Variants in WNK1 observed in about 807,000 individuals in gnomAD.
WNK1 encodes WNK lysine deficient protein kinase 1.
In WNK1, 38 loss-of-function variants were observed where a neutral mutation model predicts 222.8. That is an observed-to-expected ratio of 0.17 (90% confidence interval 0.13 to 0.22). The LOEUF is 0.22. WNK1 is among the 10% of genes least tolerant of loss of function. The pLI is 1.00. For missense variants in WNK1, 2,348 were observed against 2,918.4 expected (o/e 0.80, Z 4.50); for synonymous variants, 1,090 against 1,092.9 (o/e 1.00, Z 0.05).
rs369737438 is a variant in WNK1, at chr12:753,915, C to A, written c.350C>A (p.Pro117Gln). 6.2e-7 allele frequency: 1 copy of A among 1,609,184 alleles called. No individual in the cohort carries two copies. The highest frequency in any genetic ancestry group is 1.3e-5 in the African/African-American group (1 of 74,880). The change falls in exon 1 of 28, where the codon CCG (proline) becomes CAG (glutamine). Residue 117 changes from proline to glutamine, a missense_variant. Pro to Gln is a moderately conservative substitution (Grantham distance 76). Around this residue, in one of 13 missense-constraint regions of WNK1, gnomAD observed 185 missense variants for 159.2 expected, o/e 1.16. Coordinates refer to ENST00000315939, the MANE Select transcript of WNK1 (RefSeq NM_018979.4). The surrounding 1 kb of genome is among the most constrained non-coding windows in gnomAD (Gnocchi z 5.2). ...GCGGCTGTCCCGCAGAGTGCTCCAC[C>A]GGAGCCCCACCGGGAAGAGACCGTG... Reference protein sequence around the residue: ...IPAAVPQSAPPEPHREETVTA... With the variant: ...IPAAVPQSAPQEPHREETVTA...
intron 4 of WNK1, among the ~76,000 whole-genome samples, chr12:855,261 A>G (rs746344304): frequency 1.4e-4 from 21 of 152,270 alleles, no homozygotes; most frequent in Non-Finnish European, 2.5e-4. Flanking sequence ...GAAAATACAG[A>G]TAGTGATCTT....
rs756078362 is a variant in WNK1 at position 753,762 on chromosome 12, G to T, written c.197G>T (p.Arg66Leu). Residue 66 changes from arginine (R) to leucine (L), a missense_variant, in exon 1 of 28, where the codon CGT (arginine) becomes CTT (leucine). Transcript: ENST00000315939. This position sits in a 1 kb window ranked among gnomAD's most constrained non-coding sequence, Gnocchi z 5.2. ...CGCCACACTATGGACAAGGACAGCC[G>T]TGGGGCGGCCGCGACCACTACCACC... ...RRRHTMDKDS[R>L]GAAATTTTTE... 6.2e-6 allele frequency: 10 copies of T among 1,612,246 alleles called. No individual in the cohort carries two copies. The East Asian group carries it at 2.2e-4, about 36-fold the overall frequency.
In WNK1 at chr12:861,013, G is replaced by A. The variant is rs768384690; in HGVS notation, c.1621G>A (p.Val541Ile). ...CTTAATTTACCCTTTTATTCTGTAG[G>A]TAGAGTCTGGGTATGTCTGTGAAGG... The part of the protein sequence containing the change: ...DVPEDVAQEM[V>I]ESGYVCEGDH... The change falls in exon 7 of 28, where the codon GTA (valine) becomes ATA (isoleucine). Residue 541 changes from valine (V) to isoleucine (I), a missense_variant and splice_region_variant. Transcript: ENST00000315939. 12 of 1,613,228 alleles carry A rather than the reference G, an allele frequency of 7.4e-6. No homozygotes were observed. Among genetic ancestry groups the A allele is most frequent in the Non-Finnish European group, 9.3e-6 (11 of 1,179,822 alleles).
intron 4 of WNK1, among the ~76,000 whole-genome samples, chr12:845,187 G>A (rs1303880126): frequency 2.0e-5 from 3 of 152,088 alleles, no homozygotes; most frequent in East Asian, 3.9e-4. Context: ...GAGCCACCGC[G>A]CCCGGCCTGT....
At chr12:877,052 ATTTTTTTTTTTT>A (rs34011207) in intron 9 of WNK1, among the ~76,000 whole-genome samples, 3 of 77,104 alleles carry the variant, frequency 3.9e-5, no homozygotes, top group African/African-American at 1.0e-4. Flanking sequence ...CCTAAACTTC[ATTTTTTTTTTTT>A]TTTTTTTTTT....
intron 1 of WNK1, among the ~76,000 whole-genome samples, chr12:761,536 A>G (rs1302581135): frequency 6.8e-6 from 1 of 148,058 alleles, no homozygotes; most frequent in African/African-American, 2.4e-5. Context: ...TCTCAGAGAC[A>G]ATATTATTTT....
chr12:844,984 C>T (rs1949921069), intron 4 of WNK1, among the ~76,000 whole-genome samples: 1 of 145,420 alleles, frequency 6.9e-6, no homozygotes. Context: ...CAAGCTCCGC[C>T]TCCCGGGTTC....
At chr12:897,404 A>G in intron 24 of WNK1, 75 bp from the exon 25 acceptor site, 1 of 958,958 alleles carries the variant, frequency 1.0e-6, no homozygotes, top group Non-Finnish European at 1.7e-6. Context: ...AAGCAGGTTT[A>G]GGAATATGCT....
At chr12:757,151 G>T (rs1213434677) in intron 1 of WNK1, among the ~76,000 whole-genome samples, 1 of 151,994 alleles carries the variant, frequency 6.6e-6, no homozygotes, top group Non-Finnish European at 1.5e-5. Context: ...CAAATTTCAG[G>T]CTTCTGTTTT....
intron 1 of WNK1, among the ~76,000 whole-genome samples, chr12:790,518 C>A (rs1202208579): frequency 6.6e-6 from 1 of 152,158 alleles, no homozygotes; most frequent in African/African-American, 2.4e-5. Flanking sequence ...TGCTTGTTTT[C>A]ATTTTTAAGG....
chr12:877,889 G>A (rs905096595), intron 9 of WNK1: 11 of 358,086 alleles, frequency 3.1e-5, no homozygotes, highest in African/African-American at 1.5e-4. Flanking sequence ...GCAGGGATGG[G>A]ATGGGGAAAG....
chr12:818,850 C>T (rs1018057999), intron 2 of WNK1, among the ~76,000 whole-genome samples: 1 of 152,206 alleles, frequency 6.6e-6, no homozygotes, highest in Non-Finnish European at 1.5e-5. Context: ...GGAAATATCA[C>T]AGTTTGTTTA....
At chr12:890,291 T>C (rs771506803) in intron 21 of WNK1, among the ~76,000 whole-genome samples, 162 bp from the exon 22 acceptor site, 6 of 152,190 alleles carry the variant, frequency 3.9e-5, no homozygotes, top group Admixed American at 3.9e-4. Context: ...TTTTAGACTT[T>C]AAAAGAAAAA....
chr12:854,750 TG>T (rs1363481180), intron 4 of WNK1, among the ~76,000 whole-genome samples: 1 of 152,220 alleles, frequency 6.6e-6, no homozygotes, highest in Non-Finnish European at 1.5e-5. Context: ...CCTCCCTGTC[TG>T]GGGAGTTGGT....
intron 4 of WNK1, among the ~76,000 whole-genome samples, chr12:835,351 A>C (rs1949101544): frequency 2.6e-5 from 4 of 151,666 alleles, no homozygotes. Context: ...AAAACAACAA[A>C]AAAACCCACA....
rs762946884 is a variant in WNK1, at chr12:894,594, A to G, written c.5542A>G (p.Thr1848Ala). ...AGTCAAAGAAGGCCCTGTCCTAGCA[A>G]CTAGTTCAGGAGCTGGTGTTTTTAA... ...SQVKEGPVLA[T>A]SSGAGVFKMG... Residue 1848 changes from threonine (T) to alanine (A), a missense_variant, in exon 23 of 28, where the codon ACT becomes GCT. Transcript: ENST00000315939. 1 of 1,605,832 alleles carries G rather than the reference A, an allele frequency of 6.2e-7. No individual in the cohort carries two copies. Among genetic ancestry groups the G allele is most frequent in the South Asian group, 1.1e-5 (1 of 89,342 alleles).
At chr12:908,127 G>A (rs1044738725) in intron 27 of WNK1, 93 bp downstream of exon 27, 18 of 1,438,246 alleles carry the variant, frequency 1.3e-5, no homozygotes, top group Admixed American at 1.1e-4. Flanking sequence ...CTTACGCCAC[G>A]ACCTTCTTCA....
At position 885,898 on chromosome 12, in the gene WNK1, A is replaced by C; in HGVS notation, c.5094A>C (p.Ala1698=). The C allele has an allele frequency of 6.2e-7, 1 of 1,610,254 alleles. No homozygotes were observed. The highest frequency in any genetic ancestry group is 8.5e-7 in the Non-Finnish European group (1 of 1,177,326). ...CAGGCATCCCAACTACTGCTGTTGC[A>C]CCAAGCAAACTCCTGACTTCTACCA... ...VTPGIPTTAV[A]PSKLLTSTTS... Residue 1698 remains alanine, a synonymous_variant, in exon 19 of 28, where the codon GCA becomes GCC. Coordinates refer to ENST00000315939, the MANE Select transcript of WNK1 (RefSeq NM_018979.4).
chr12:859,517 C>CTA, intron 6 of WNK1, 53 bp downstream of exon 6: 10 of 1,413,324 alleles, frequency 7.1e-6, no homozygotes, highest in Non-Finnish European at 9.9e-6. Flanking sequence ...TATATCAATA[C>CTA]TATCATTAAG....
Sources: gnomAD v4.1 joint callset for allele counts (sites outside exome capture counted in the v4.1 genomes callset) on GRCh38, gnomAD v4.1.1 for gene constraint, gnomAD v4.1.1 regional missense constraint, Gnocchi (gnomAD v3.1) non-coding constraint, MANE v1.5 for transcripts, NCBI Gene and HGNC (gene_info 2026-07-23, HGNC 2026-07-21) for gene names.